Variants in RAB5IF observed in about 807,000 individuals in gnomAD.
RAB5IF encodes RAB5 interacting factor.
Under a neutral mutation model 20.3 loss-of-function variants are expected in RAB5IF, and 15 were observed. The observed-to-expected ratio is 0.74, with a 90% CI of 0.50 to 1.14. The LOEUF (loss-of-function observed/expected upper bound fraction) is 1.14. RAB5IF is among the 50% of genes most tolerant of loss of function. The probability of loss-of-function intolerance (pLI) is 0.00; values close to 1 mark genes in which losing one functional copy is unlikely to be tolerated. For synonymous variants in RAB5IF, 67 were observed against 63.7 expected (o/e 1.05, Z -0.25); for missense variants, 148 against 159.5 (o/e 0.93, Z 0.39).
intron 2 of RAB5IF, among the ~76,000 whole-genome samples, chr20:36,608,706 G>A (rs2038993200): frequency 6.6e-6 from 1 of 151,958 alleles, no homozygotes; most frequent in Non-Finnish European, 1.5e-5. Context: ...TGGGACTACA[G>A]GTGTCTGCCC....
At chr20:36,608,731 T>G (rs994779501) in intron 2 of RAB5IF, among the ~76,000 whole-genome samples, 1 of 151,946 alleles carries the variant, frequency 6.6e-6, no homozygotes, top group East Asian at 1.9e-4. Flanking sequence ...GCCCGGCTTA[T>G]TTTTTGTATT....
intron 2 of RAB5IF, among the ~76,000 whole-genome samples, chr20:36,609,135 A>G (rs1231411454): frequency 6.9e-6 from 1 of 145,346 alleles, no homozygotes. Context: ...TGTTACTTCA[A>G]GGGGCTTTGG....
Position 36,609,156 on chromosome 20 carries a change from T to TACATACACAC in RAB5IF, c.219-442_219-441insTACACACACA. ...TTCAAGGGGCTTTGGAGAACTATAT[T>TACATACACAC]ACACACACACACACACACACACACA... On this transcript the variant is annotated intron_variant, in intron 2 of 3. Transcript: ENST00000344795. 4.8e-3 allele frequency among the ~76,000 whole-genome samples: 82 copies of TACATACACAC among 17,062 alleles called. 9 individuals are homozygous for TACATACACAC. The highest frequency in any genetic ancestry group is 0.042 in the Middle Eastern group (1 of 24). The allele number at this position is 17,062 out of a possible 152,430, so 11.2% of individuals were successfully genotyped here. A position where few individuals can be genotyped will look rare whatever the true frequency, so the allele number is the denominator to read the frequency against.
chr20:36,611,935 T>C (rs1600810674), intron 3 of RAB5IF, 75 bp from the exon 4 acceptor site: 1 of 1,594,424 alleles, frequency 6.3e-7, no homozygotes, highest in South Asian at 1.1e-5. Flanking sequence ...TACATTCTCA[T>C]CTGGCATTTT....
intron 2 of RAB5IF, among the ~76,000 whole-genome samples, chr20:36,609,015 C>G (rs1020563759): frequency 4.6e-5 from 7 of 151,922 alleles, no homozygotes; most frequent in Admixed American, 2.0e-4. Flanking sequence ...GCTTGCTCAA[C>G]TAGGCTACGA....
chr20:36,608,589 A>G (rs949371647), intron 2 of RAB5IF, among the ~76,000 whole-genome samples: 1 of 121,086 alleles, frequency 8.3e-6, no homozygotes, highest in Non-Finnish European at 1.6e-5. Context: ...TTAAAGACAG[A>G]GTCTTTCTCT....
At chr20:36,608,721 G>A (rs2147959134) in intron 2 of RAB5IF, among the ~76,000 whole-genome samples, 1 of 151,926 alleles carries the variant, frequency 6.6e-6, no homozygotes, top group Admixed American at 6.6e-5. Flanking sequence ...CTGCCCCCAT[G>A]CCCGGCTTAT....
At position 36,612,212 on chromosome 20, in the gene RAB5IF, G is replaced by C. The variant is rs1332651315; in HGVS notation, c.*161G>C. ...TTGGGCATCAGTGTTTTCTGCAAGGGTTGTGACCTGAAACTTTTTAAAAAC... is the reference window on the plus strand; with the variant it reads ...TTGGGCATCAGTGTTTTCTGCAAGGCTTGTGACCTGAAACTTTTTAAAAAC... On this transcript the variant is annotated 3_prime_UTR_variant, in exon 4 of 4. Transcript: ENST00000344795. 6.2e-7 allele frequency: 1 copy of C among 1,614,114 alleles called. No individual in the cohort carries two copies. Among genetic ancestry groups the C allele is most frequent in the Non-Finnish European group, 8.5e-7 (1 of 1,179,994 alleles).
intron 3 of RAB5IF, among the ~76,000 whole-genome samples, chr20:36,611,515 A>C (rs957796000): frequency 5.3e-5 from 8 of 149,952 alleles, no homozygotes; most frequent in African/African-American, 7.4e-5. Context: ...AAAAAAAAAA[A>C]CCACAAAACC....
chr20:36,610,212 A>G (rs1287716002), intron 3 of RAB5IF, among the ~76,000 whole-genome samples: 3 of 152,054 alleles, frequency 2.0e-5, no homozygotes, highest in African/African-American at 7.2e-5. Flanking sequence ...TGAACCCGGG[A>G]GGCGGAGGTT....
chr20:36,610,016 C>T (rs2039069832), intron 3 of RAB5IF, among the ~76,000 whole-genome samples: 2 of 152,216 alleles, frequency 1.3e-5, no homozygotes, highest in South Asian at 4.1e-4. Context: ...AGCATGGTGG[C>T]TCACGCCTGT....
chr20:36,612,314 A>ATTAT lies in RAB5IF; in HGVS notation c.*266_*269dup, dbSNP rs1760751270. The stretch of plus-strand genomic sequence containing the variant: ...TCTTGGATACCATCAAGTAACAGCT[A>ATTAT]TTATTTGCCAAGTGGAGCTGTCATT... On this transcript the variant is annotated 3_prime_UTR_variant, in exon 4 of 4. Coordinates refer to ENST00000344795, the MANE Select transcript of RAB5IF (RefSeq NM_018840.5). 2.5e-6 allele frequency: 3 copies of ATTAT among 1,213,700 alleles called. No individual in the cohort carries two copies. Among genetic ancestry groups the ATTAT allele is most frequent in the East Asian group, 4.7e-5 (2 of 42,730 alleles). The allele number at this position is 1,213,700 out of a possible 1,614,324, so 75.2% of individuals were successfully genotyped here.
intron 2 of RAB5IF, among the ~76,000 whole-genome samples, chr20:36,608,387 G>A (rs1477364281): frequency 6.6e-6 from 1 of 151,892 alleles, no homozygotes; most frequent in African/African-American, 2.4e-5. Context: ...TGGAACTACA[G>A]GTGTGAGCCA....
chr20:36,610,947 G>C (rs993003162), intron 3 of RAB5IF, among the ~76,000 whole-genome samples: 9 of 152,142 alleles, frequency 5.9e-5, no homozygotes, highest in African/African-American at 2.2e-4. Context: ...TTTGGAATCA[G>C]TGGTGATGTT....
At chr20:36,610,399 G>A (rs1322986372) in intron 3 of RAB5IF, among the ~76,000 whole-genome samples, 2 of 152,000 alleles carry the variant, frequency 1.3e-5, no homozygotes, top group East Asian at 3.9e-4. Flanking sequence ...AATGTTATTT[G>A]GCCTTAAAAA....
intron 3 of RAB5IF, among the ~76,000 whole-genome samples, chr20:36,610,858 A>AGATT (rs1183401478): frequency 6.6e-6 from 1 of 152,234 alleles, no homozygotes; most frequent in Non-Finnish European, 1.5e-5. Flanking sequence ...GGCAAAAAGT[A>AGATT]GATTAGTGGT....
At chr20:36,607,333 A>G (rs1355147538) in intron 1 of RAB5IF, among the ~76,000 whole-genome samples, 1 of 150,148 alleles carries the variant, frequency 6.7e-6, no homozygotes, top group Non-Finnish European at 1.5e-5. Flanking sequence ...GGTTCAAGCA[A>G]TTCTCTTGCC....
chr20:36,605,868 C>G lies in RAB5IF; in HGVS notation c.-84C>G. On this transcript the variant is annotated 5_prime_UTR_variant, in exon 1 of 4. Coordinates refer to ENST00000344795, the MANE Select transcript of RAB5IF (RefSeq NM_018840.5). ...GGCCGCTGAGCCTGCAGCCGCCCCGCGCCGTGACCTGCGACCCTAGACCCC... is the reference window on the plus strand; with the variant it reads ...GGCCGCTGAGCCTGCAGCCGCCCCGGGCCGTGACCTGCGACCCTAGACCCC... The G allele has an allele frequency of 1.4e-6, 1 of 726,148 alleles. No individual in the cohort carries two copies. The highest frequency in any genetic ancestry group is 2.0e-6 in the Non-Finnish European group (1 of 498,446). 45.0% of individuals were successfully genotyped at this position (726,148 alleles called of 1,614,324 possible).
Position 36,612,279 on chromosome 20 carries a change from A to G in RAB5IF, c.*228A>G. 1 of 1,532,974 alleles carries G rather than the reference A, an allele frequency of 6.5e-7. No homozygotes were observed. Among genetic ancestry groups the G allele is most frequent in the Non-Finnish European group, 9.0e-7 (1 of 1,106,998 alleles). The allele number at this position is 1,532,974 out of a possible 1,614,324, so 95.0% of individuals were successfully genotyped here. ...AGCATTTCTGAATTTATCCATCACC[A>G]ACCATTTCTTCTTGGATACCATCAA... On this transcript the variant is annotated 3_prime_UTR_variant, in exon 4 of 4. Coordinates refer to ENST00000344795, the MANE Select transcript of RAB5IF (RefSeq NM_018840.5).
Sources: gnomAD v4.1 joint callset for allele counts (sites outside exome capture counted in the v4.1 genomes callset) on GRCh38, gnomAD v4.1.1 for gene constraint, MANE v1.5 for transcripts, NCBI Gene and HGNC (gene_info 2026-07-23, HGNC 2026-07-21) for gene names.